DOCK4: variants seen among roughly 807,000 people sequenced by gnomAD.
The protein encoded by DOCK4 is dedicator of cytokinesis protein 4.
Under a neutral mutation model 268.1 loss-of-function variants are expected in DOCK4, and 97 were observed. The ratio of observed to expected loss-of-function variants is 0.36; its 90% CI spans 0.31 to 0.43. The LOEUF (loss-of-function observed/expected upper bound fraction) is 0.43, where lower values mean the gene tolerates loss of function less well. DOCK4 is among the 20% of genes least tolerant of loss of function. The probability of loss-of-function intolerance (pLI) is 1.00; values close to 1 mark genes in which losing one functional copy is unlikely to be tolerated. For missense variants in DOCK4, 2,145 were observed against 2,455.7 expected (o/e 0.87, Z 2.67); for synonymous variants, 954 against 887.2 (o/e 1.08, Z -1.34).
chr7:111,739,306 G>A (rs560368269), intron 48 of DOCK4, 63 bp from the exon 49 acceptor site: 15 of 1,592,830 alleles, frequency 9.4e-6, no homozygotes, highest in East Asian at 2.2e-5. Flanking sequence ...GTTTGGAGGC[G>A]AGAGCCTGAA....
intron 10 of DOCK4, among the ~76,000 whole-genome samples, chr7:111,944,083 A>T (rs1481505492): frequency 6.6e-6 from 1 of 152,228 alleles, no homozygotes; most frequent in African/African-American, 2.4e-5. Flanking sequence ...TTCCTCTGCC[A>T]TAAAATGCCT....
chr7:111,772,420 G>A (rs1169489640), intron 36 of DOCK4, among the ~76,000 whole-genome samples: 1 of 152,014 alleles, frequency 6.6e-6, no homozygotes, highest in Non-Finnish European at 1.5e-5. Flanking sequence ...ATGGTAGCAC[G>A]ACAATGTGAC....
At chr7:112,065,433 C>A (rs1414364374) in intron 1 of DOCK4, among the ~76,000 whole-genome samples, 2 of 151,840 alleles carry the variant, frequency 1.3e-5, no homozygotes, top group South Asian at 2.1e-4. Flanking sequence ...CCACTTACCA[C>A]AATTTTAATT....
chr7:111,728,463 G>T lies in DOCK4; in HGVS notation c.5739C>A (p.Ser1913Arg), dbSNP rs1035715396. 6.2e-7 allele frequency: 1 copy of T among 1,610,184 alleles called. No homozygotes were observed. Among genetic ancestry groups the T allele is most frequent in the Non-Finnish European group, 8.5e-7 (1 of 1,178,180 alleles). Reference protein sequence around the residue: ...RKESKTPPPYSVYERTLRRPV... With the variant: ...RKESKTPPPYRVYERTLRRPV... The stretch of plus-strand genomic sequence containing the variant: ...GGCGCCGCAGAGTCCGCTCGTAGAC[G>T]CTGTACGGGGGCGGAGTCTTGCTCT... The change falls in exon 53 of 53, where the codon AGC becomes AGA. Residue 1913 changes from serine to arginine, a missense_variant. By Grantham distance (110) the Ser-to-Arg change is moderately radical. Coordinates refer to ENST00000428084, the MANE Select transcript of DOCK4 (RefSeq NM_001363540.2).
chr7:112,007,857 C>T (rs1348435865), intron 1 of DOCK4, among the ~76,000 whole-genome samples: 1 of 152,126 alleles, frequency 6.6e-6, no homozygotes, highest in Non-Finnish European at 1.5e-5. Flanking sequence ...TCAACTAAAT[C>T]CCTTTAAATT....
At chr7:111,916,948 A>G (rs1792638027) in intron 12 of DOCK4, among the ~76,000 whole-genome samples, 2 of 125,518 alleles carry the variant, frequency 1.6e-5, no homozygotes, top group South Asian at 5.1e-4. Flanking sequence ...GTAGTCTTTT[A>G]TCCCTCACCC....
At position 111,944,504 on chromosome 7, in the gene DOCK4, T is replaced by C. The variant is rs184975217; in HGVS notation, c.844+307A>G. ...TTTATGCTAACAGAAATTAGAATTT[T>C]AAGAGACAAACACAGAATTTTTGAA... On this transcript the variant is annotated intron_variant, in intron 10 of 52. Transcript: ENST00000428084. Among the ~76,000 whole-genome samples, 933 of 152,288 alleles carry C rather than the reference T, an allele frequency of 6.1e-3. 5 individuals are homozygous for C. The highest frequency in any genetic ancestry group is 9.9e-3 in the Non-Finnish European group (672 of 68,026).
Position 111,836,527 on chromosome 7 carries a change from G to A in DOCK4, c.2737-1841C>T, listed in dbSNP as rs1348828858. 2.0e-5 allele frequency among the ~76,000 whole-genome samples: 3 copies of A among 152,050 alleles called. No individual in the cohort carries two copies. In the East Asian group the frequency reaches 5.8e-4, roughly 29 times the overall value. ...AGAAGAAGGAAAAAATGACGCAAAT[G>A]AGGAGAAAAAGTAATATATCAATAG... On this transcript the variant is annotated intron_variant, in intron 25 of 52. Coordinates refer to ENST00000428084, the MANE Select transcript of DOCK4 (RefSeq NM_001363540.2).
intron 1 of DOCK4, among the ~76,000 whole-genome samples, chr7:112,086,182 C>T (rs1455580995): frequency 6.6e-6 from 1 of 152,006 alleles, no homozygotes; most frequent in Non-Finnish European, 1.5e-5. Context: ...TCAAAAAATA[C>T]ATGAATATAT....
At chr7:111,874,163 T>C (rs1806653539) in intron 17 of DOCK4, among the ~76,000 whole-genome samples, 1 of 152,136 alleles carries the variant, frequency 6.6e-6, no homozygotes, top group Non-Finnish European at 1.5e-5. Context: ...TTCTCTTTCA[T>C]AATCCCTCGT....
intron 13 of DOCK4, among the ~76,000 whole-genome samples, chr7:111,909,991 CGTTTTAGGGCTAA>C (rs1398637247): frequency 6.8e-6 from 1 of 147,104 alleles, no homozygotes; most frequent in Non-Finnish European, 1.5e-5. Flanking sequence ...AAAAAAAAAA[CGTTTTAGGGCTAA>C]GAGCTTCAAA....
intron 41 of DOCK4, among the ~76,000 whole-genome samples, chr7:111,757,370 T>C (rs1171610028): frequency 2.0e-5 from 3 of 152,088 alleles, no homozygotes; most frequent in Admixed American, 6.5e-5. Context: ...TACCGGTAAC[T>C]AGAAGGTGAC....
chr7:112,013,388 A>G (rs1417892075), intron 1 of DOCK4, among the ~76,000 whole-genome samples: 1 of 152,228 alleles, frequency 6.6e-6, no homozygotes, highest in Admixed American at 6.5e-5. Flanking sequence ...GGCTCTGGCC[A>G]TTGACACCTA....
In DOCK4 at chr7:112,113,796, G is replaced by A. The variant is rs573252241; in HGVS notation, c.37+92306C>T. Among the ~76,000 whole-genome samples, 6 of 97,882 alleles carry A rather than the reference G, an allele frequency of 6.1e-5. No homozygotes were observed. The East Asian group carries it at 1.9e-3, about 31-fold the overall frequency. 64.2% of individuals were successfully genotyped at this position (97,882 alleles called of 152,430 possible). A position where few individuals can be genotyped will look rare whatever the true frequency, so the allele number is the denominator to read the frequency against. ...TTTTTTTTGTAGAGACAGTCTTGCT[G>A]TGTTGTTAGGCTGTTCTCAAACTTC... On this transcript the variant is annotated intron_variant, in intron 1 of 52. Coordinates refer to ENST00000428084, the MANE Select transcript of DOCK4 (RefSeq NM_001363540.2).
In DOCK4 at chr7:111,741,232, A is replaced by G; in HGVS notation, c.4920-18T>C. On this transcript the variant is annotated intron_variant, in intron 46 of 52. Transcript: ENST00000428084. ...TTAACGGGCTGTTTCAGGGGGAAAAAAAAGGTCATTAACTCAGTCTCCAAA... is the reference window on the plus strand; with the variant it reads ...TTAACGGGCTGTTTCAGGGGGAAAAGAAAGGTCATTAACTCAGTCTCCAAA... 6.2e-7 allele frequency: 1 copy of G among 1,612,742 alleles called. No individual in the cohort carries two copies. Among genetic ancestry groups the G allele is most frequent in the East Asian group, 2.2e-5 (1 of 44,882 alleles).
intron 1 of DOCK4, among the ~76,000 whole-genome samples, chr7:112,091,106 T>C (rs1809585468): frequency 6.6e-6 from 1 of 152,094 alleles, no homozygotes; most frequent in African/African-American, 2.4e-5. Flanking sequence ...ATCTTTGTTA[T>C]AAAATAAGGG....
rs370316965 is a variant in DOCK4, at chr7:112,045,346, G to C, written c.38-41215C>G. ...AAAGGCAACACCCTTCCACTGACAA[G>C]CTCCATTTTCTTACTCTAATTTATC... On this transcript the variant is annotated intron_variant, in intron 1 of 52. Transcript: ENST00000428084. 1.5e-3 allele frequency among the ~76,000 whole-genome samples: 224 copies of C among 152,210 alleles called. 2 individuals are homozygous for C. Among genetic ancestry groups the C allele is most frequent in the African/African-American group, 5.2e-3 (216 of 41,544 alleles).
intron 8 of DOCK4, among the ~76,000 whole-genome samples, chr7:111,947,131 A>G (rs545630603): frequency 6.6e-6 from 1 of 152,332 alleles, no homozygotes; most frequent in Non-Finnish European, 1.5e-5. Context: ...GGGAACAAGC[A>G]GGGAAATGGA....
chr7:111,934,538 T>TG (rs1794549263), intron 12 of DOCK4, among the ~76,000 whole-genome samples: 1 of 144,824 alleles, frequency 6.9e-6, no homozygotes, highest in African/African-American at 2.6e-5. Context: ...TTTTTTTTTT[T>TG]TTTTTTTTTT....
Sources: gnomAD v4.1 joint callset for allele counts (sites outside exome capture counted in the v4.1 genomes callset) on GRCh38, gnomAD v4.1.1 for gene constraint, MANE v1.5 for transcripts, NCBI Gene and HGNC (gene_info 2026-07-23, HGNC 2026-07-21) for gene names.